The following PTPRT variants were observed in gnomAD, a reference collection of about 807,000 sequenced individuals.
PTPRT encodes receptor-type tyrosine-protein phosphatase T.
In PTPRT, 56 loss-of-function variants were observed where a neutral mutation model predicts 176.8. The observed-to-expected ratio is 0.32, with a 90% CI of 0.26 to 0.40. The LOEUF is 0.40. Among genes scored for constraint, PTPRT ranks in the 10% least tolerant of loss-of-function variants. The pLI is 1.00. For synonymous variants in PTPRT, 783 were observed against 739.0 expected (o/e 1.06, Z -0.96); for missense variants, 1,540 against 1,908.2 (o/e 0.81, Z 3.60).
chr20:42,308,967 T>C (rs1421412222), intron 12 of PTPRT, among the ~76,000 whole-genome samples: 2 of 152,160 alleles, frequency 1.3e-5, no homozygotes, highest in Non-Finnish European at 2.9e-5. Context: ...TTCCAAGTGC[T>C]CTCAAGAGGC....
chr20:43,116,487 C>A (rs2013063109), intron 1 of PTPRT, among the ~76,000 whole-genome samples: 1 of 152,190 alleles, frequency 6.6e-6, no homozygotes, highest in African/African-American at 2.4e-5. Flanking sequence ...ATCAGACATA[C>A]CTTTGTGAAA....
chr20:42,989,714 A>T (rs900721155), intron 1 of PTPRT, among the ~76,000 whole-genome samples: 1 of 152,224 alleles, frequency 6.6e-6, no homozygotes, highest in Non-Finnish European at 1.5e-5. Flanking sequence ...ACAGCAGAAG[A>T]GTCTACAGAC....
intron 1 of PTPRT, among the ~76,000 whole-genome samples, chr20:42,951,647 G>A (rs1309992537): frequency 6.6e-6 from 1 of 152,170 alleles, no homozygotes; most frequent in Admixed American, 6.5e-5. Context: ...AAGAGTGGGT[G>A]CAGGGAGAGG....
intron 7 of PTPRT, among the ~76,000 whole-genome samples, chr20:42,660,996 C>T (rs553895358): frequency 1.5e-4 from 23 of 152,120 alleles, no homozygotes; most frequent in African/African-American, 4.8e-4. Context: ...GGACTACAGA[C>T]GCATGCCACC....
intron 7 of PTPRT, among the ~76,000 whole-genome samples, chr20:42,567,308 AG>A (rs201388236): frequency 0.011 from 1,579 of 142,478 alleles, 37 homozygotes; most frequent in African/African-American, 0.045. Flanking sequence ...AGAGAGAGAG[AG>A]AAAAAAAACG....
At chr20:43,114,961 A>C (rs1428386365) in intron 1 of PTPRT, among the ~76,000 whole-genome samples, 13 of 152,198 alleles carry the variant, frequency 8.5e-5, no homozygotes, top group Admixed American at 8.5e-4. Flanking sequence ...AATAGTATTA[A>C]TAATAACAGT....
intron 6 of PTPRT, among the ~76,000 whole-genome samples, chr20:42,703,539 T>C (rs2425537): frequency 0.52 from 79,043 of 151,962 alleles, 23,027 homozygotes; most frequent in African/African-American, 0.79. Flanking sequence ...CCCAGCAACA[T>C]AGAGTTCTCA....
At chr20:42,869,469 T>G (rs1213800882) in intron 2 of PTPRT, among the ~76,000 whole-genome samples, 1 of 152,228 alleles carries the variant, frequency 6.6e-6, no homozygotes, top group African/African-American at 2.4e-5. Flanking sequence ...GCTGTTTGTC[T>G]TCTTGTGTTT....
At chr20:42,710,876 C>T (rs988864264) in intron 6 of PTPRT, among the ~76,000 whole-genome samples, 17 of 152,216 alleles carry the variant, frequency 1.1e-4, no homozygotes, top group African/African-American at 3.9e-4. Context: ...GACAGGAATG[C>T]CCAAGGCCTT....
At chr20:42,331,944 A>G (rs1001014079) in intron 11 of PTPRT, among the ~76,000 whole-genome samples, 2 of 151,932 alleles carry the variant, frequency 1.3e-5, no homozygotes, top group Non-Finnish European at 2.9e-5. Context: ...AAAGGTAGGC[A>G]ATACTGCTGG....
intron 9 of PTPRT, among the ~76,000 whole-genome samples, chr20:42,376,147 A>G (rs558696157): frequency 6.6e-6 from 1 of 152,336 alleles, no homozygotes; most frequent in South Asian, 2.1e-4. Context: ...CGGGACTAAA[A>G]AGATACGAGC....
At chr20:42,095,099 A>C (rs1052181490) in intron 27 of PTPRT, among the ~76,000 whole-genome samples, 1 of 151,410 alleles carries the variant, frequency 6.6e-6, no homozygotes, top group East Asian at 1.9e-4. Flanking sequence ...TTCAGAATCT[A>C]CCCCCCAGTT....
At chr20:42,034,779 C>T in the PTPRT span, among the ~76,000 whole-genome samples, 4 of 152,150 alleles carry the variant, frequency 2.6e-5, no homozygotes, top group African/African-American at 9.7e-5. Flanking sequence ...CTGACACATT[C>T]TGTGAGAAGT....
chr20:42,868,270 T>C (rs1394014220), intron 2 of PTPRT, among the ~76,000 whole-genome samples: 1 of 152,124 alleles, frequency 6.6e-6, no homozygotes, highest in African/African-American at 2.4e-5. Flanking sequence ...AGAATGATGG[T>C]AGAAATATGG....
chr20:42,916,905 G>C (rs1225459046), intron 1 of PTPRT, among the ~76,000 whole-genome samples: 1 of 152,146 alleles, frequency 6.6e-6, no homozygotes, highest in African/African-American at 2.4e-5. Flanking sequence ...CTGCCATTCT[G>C]TAGGTTGCCT....
At chr20:42,158,890 C>G (rs1471548590) in intron 17 of PTPRT, among the ~76,000 whole-genome samples, 1 of 152,172 alleles carries the variant, frequency 6.6e-6, no homozygotes, top group Non-Finnish European at 1.5e-5. Flanking sequence ...ATTATAAAAG[C>G]TGTTCATTTC....
At chr20:42,805,341 T>C (rs991664697) in intron 2 of PTPRT, among the ~76,000 whole-genome samples, 2 of 152,188 alleles carry the variant, frequency 1.3e-5, no homozygotes, top group African/African-American at 4.8e-5. Context: ...AGAGGCTTAA[T>C]GGGGGATAAC....
At chr20:42,905,987 A>T (rs1317415332) in intron 1 of PTPRT, among the ~76,000 whole-genome samples, 2 of 152,176 alleles carry the variant, frequency 1.3e-5, no homozygotes, top group Non-Finnish European at 2.9e-5. Flanking sequence ...TGATGGGTGC[A>T]GCAAACCAAC....
At chr20:42,325,775 C>G (rs2057873040) in intron 11 of PTPRT, among the ~76,000 whole-genome samples, 1 of 152,176 alleles carries the variant, frequency 6.6e-6, no homozygotes, top group African/African-American at 2.4e-5. Context: ...TCTGACCTTA[C>G]TTAGAGTAAA....
Sources: allele counts gnomAD v4.1 joint callset (sites outside exome capture counted in the v4.1 genomes callset), GRCh38; gene constraint gnomAD v4.1.1; transcripts MANE v1.5; gene names NCBI Gene and HGNC (gene_info 2026-07-23, HGNC 2026-07-21).